ZNF724: variants seen among roughly 807,000 people sequenced by gnomAD.
ZNF724 encodes zinc finger protein 724 pseudogene.
A neutral mutation model predicts 29.3 loss-of-function variants in ZNF724; 14 were observed. That is an observed-to-expected ratio of 0.48 (90% CI 0.32 to 0.75). The LOEUF is 0.75. Among genes scored for constraint, ZNF724 ranks in the 30% least tolerant of loss-of-function variants. ZNF724 has a pLI of 0.04. For synonymous variants in ZNF724, 180 were observed against 193.6 expected (o/e 0.93, Z 0.58); for missense variants, 557 against 571.2 (o/e 0.98, Z 0.25).
chr19:23,245,491 T>TA (rs1972219438), intron 1 of ZNF724, among the ~76,000 whole-genome samples: 1 of 152,048 alleles, frequency 6.6e-6, no homozygotes, highest in Non-Finnish European at 1.5e-5. Context: ...CGGGCGCCAG[T>TA]AGTCCCAGCT....
intron 1 of ZNF724, among the ~76,000 whole-genome samples, chr19:23,244,739 A>G (rs1032363669): frequency 6.6e-6 from 1 of 152,124 alleles, no homozygotes; most frequent in African/African-American, 2.4e-5. Flanking sequence ...TGGTCTCAAA[A>G]TATTGTTCTT....
rs1157946336 is a variant in ZNF724, at chr19:23,245,446, T to C, written c.3+4794A>G. On this transcript the variant is annotated intron_variant, in intron 1 of 3. Transcript: ENST00000418100. ...GGCTAATATGGGGAAACCCCATCTC[T>C]ATTAAAAATACAAAAAATTAGCCAG... 3.3e-5 allele frequency among the ~76,000 whole-genome samples: 5 copies of C among 152,280 alleles called. No individual in the cohort carries two copies. In the East Asian group the frequency reaches 9.7e-4, roughly 30 times the overall value.
At chr19:23,243,975 G>C (rs1346718676) in intron 1 of ZNF724, among the ~76,000 whole-genome samples, 1 of 151,150 alleles carries the variant, frequency 6.6e-6, no homozygotes, top group Non-Finnish European at 1.5e-5. Context: ...ATACCTGTTT[G>C]GTGCTATGCT....
chr19:23,227,029 T>C (rs1599636929), intron 3 of ZNF724, among the ~76,000 whole-genome samples: 1 of 152,178 alleles, frequency 6.6e-6, no homozygotes, highest in Non-Finnish European at 1.5e-5. Flanking sequence ...AAAAAAGAAT[T>C]TGTCTAGATA....
At chr19:23,245,817 A>G (rs543165057) in intron 1 of ZNF724, among the ~76,000 whole-genome samples, 1 of 152,272 alleles carries the variant, frequency 6.6e-6, no homozygotes, top group East Asian at 1.9e-4. Flanking sequence ...TTTTTTAAAT[A>G]TAAATCTAAC....
intron 1 of ZNF724, among the ~76,000 whole-genome samples, chr19:23,236,038 T>C (rs1374272880): frequency 6.6e-6 from 1 of 152,180 alleles, no homozygotes; most frequent in Non-Finnish European, 1.5e-5. Flanking sequence ...AGGTGATCCA[T>C]GTATGCTAAT....
intron 3 of ZNF724, among the ~76,000 whole-genome samples, chr19:23,224,642 A>AT (rs1971792807): frequency 1.3e-5 from 2 of 152,040 alleles, no homozygotes; most frequent in East Asian, 3.9e-4. Flanking sequence ...CCTCTCCCCA[A>AT]TATAATATAG....
At chr19:23,243,872 G>A (rs561564505) in intron 1 of ZNF724, among the ~76,000 whole-genome samples, 40 of 147,542 alleles carry the variant, frequency 2.7e-4, no homozygotes, top group African/African-American at 8.8e-4. Context: ...GCAGTGAGCC[G>A]AGATCATACC....
intron 1 of ZNF724, among the ~76,000 whole-genome samples, chr19:23,250,035 G>C (rs537933809): frequency 1.3e-5 from 2 of 152,326 alleles, no homozygotes; most frequent in East Asian, 3.9e-4. Context: ...CACTGGGCGG[G>C]GAAGAGACAA....
At chr19:23,244,108 G>A (rs1972192039) in intron 1 of ZNF724, among the ~76,000 whole-genome samples, 2 of 151,128 alleles carry the variant, frequency 1.3e-5, no homozygotes, top group East Asian at 1.9e-4. Context: ...CTCGACGGGT[G>A]GGGGTAAGTG....
At chr19:23,249,397 TGCC>T in intron 1 of ZNF724, among the ~76,000 whole-genome samples, 1 of 129,542 alleles carries the variant, frequency 7.7e-6, no homozygotes, top group African/African-American at 2.6e-5. Flanking sequence ...TGCGCCACTA[TGCC>T]CGGCTTTTTT....
In ZNF724 at chr19:23,223,260, TATG is replaced by T. The variant is rs1971757243; in HGVS notation, c.982_984del (p.His328del). 1 of 857,812 alleles carries T rather than the reference TATG, an allele frequency of 1.2e-6. No individual in the cohort carries two copies. Among genetic ancestry groups the T allele is most frequent in the East Asian group, 2.4e-5 (1 of 40,824 alleles). 53.1% of individuals were successfully genotyped at this position (857,812 alleles called of 1,614,324 possible). On this transcript the variant is annotated inframe_deletion, in exon 4 of 4. Coordinates refer to ENST00000418100, the MANE Select transcript of ZNF724 (RefSeq NM_001355404.2). ...GGTTTATCACCAGTATGAATTCTCT[TATG>T]TTTAGTAAGGTTCGAGGATTGGTTA...
intron 1 of ZNF724, among the ~76,000 whole-genome samples, chr19:23,241,050 CAACAAAAAA>C (rs914182726): frequency 8.6e-5 from 13 of 150,732 alleles, no homozygotes; most frequent in Admixed American, 4.6e-4. Context: ...ACAACAACAA[CAACAAAAAA>C]AAAAGACTAC....
rs1162396141 is a variant in ZNF724 at position 23,250,317 on chromosome 19, G to C, written c.-75C>G. ...TGCTTGCAGGTCAGAGGGCCACAGAGGCTGGGCCTCTAAGAGCAGGGGACA... is the reference window on the plus strand; with the variant it reads ...TGCTTGCAGGTCAGAGGGCCACAGACGCTGGGCCTCTAAGAGCAGGGGACA... On this transcript the variant is annotated 5_prime_UTR_variant, in exon 1 of 4. Transcript: ENST00000418100. The C allele has an allele frequency of 1.8e-6, 1 of 562,222 alleles. No individual in the cohort carries two copies. Among genetic ancestry groups the C allele is most frequent in the Non-Finnish European group, 3.5e-6 (1 of 284,910 alleles). 34.8% of individuals were successfully genotyped at this position (562,222 alleles called of 1,614,324 possible). A position where few individuals can be genotyped will look rare whatever the true frequency, so the allele number is the denominator to read the frequency against.
chr19:23,228,783 G>T (rs150106076), intron 3 of ZNF724, among the ~76,000 whole-genome samples: 1 of 151,856 alleles, frequency 6.6e-6, no homozygotes, highest in Non-Finnish European at 1.5e-5. Flanking sequence ...CCAGCTGCTT[G>T]GGAGGCTGAG....
chr19:23,243,632 AC>A (rs1161848748), intron 1 of ZNF724, among the ~76,000 whole-genome samples: 2 of 151,824 alleles, frequency 1.3e-5, no homozygotes, highest in African/African-American at 2.4e-5. Flanking sequence ...CAGGACAAAG[AC>A]CTGTTTGGGC....
chr19:23,249,916 A>G (rs1311137445), intron 1 of ZNF724, among the ~76,000 whole-genome samples: 1 of 152,154 alleles, frequency 6.6e-6, no homozygotes, highest in African/African-American at 2.4e-5. Flanking sequence ...CCGCTCCCCG[A>G]GTCAGGATTC....
chr19:23,238,843 G>A (rs1316616277), intron 1 of ZNF724, among the ~76,000 whole-genome samples: 1 of 152,116 alleles, frequency 6.6e-6, no homozygotes, highest in African/African-American at 2.4e-5. Context: ...GGAGGCAGAG[G>A]TTGCAGTGAG....
intron 1 of ZNF724, among the ~76,000 whole-genome samples, chr19:23,239,267 T>C (rs1016272567): frequency 6.6e-6 from 1 of 152,228 alleles, no homozygotes; most frequent in African/African-American, 2.4e-5. Flanking sequence ...CAACATAGTA[T>C]ACATTCTTCT....
Sources: allele counts gnomAD v4.1 joint callset (sites outside exome capture counted in the v4.1 genomes callset), GRCh38; gene constraint gnomAD v4.1.1; transcripts MANE v1.5; gene names NCBI Gene and HGNC (gene_info 2026-07-23, HGNC 2026-07-21).